The following ANP32B variants were observed in gnomAD, a reference collection of about 807,000 sequenced individuals.
The protein encoded by ANP32B is acidic leucine-rich nuclear phosphoprotein 32 family member B.
A neutral mutation model predicts 32.2 loss-of-function variants in ANP32B; 6 were observed. The ratio of observed to expected loss-of-function variants is 0.19; its 90% confidence interval spans 0.10 to 0.37. The LOEUF is 0.37. Among genes scored for constraint, ANP32B ranks in the 10% least tolerant of loss-of-function variants. The pLI is 1.00. For synonymous variants in ANP32B, 98 were observed against 105.8 expected (o/e 0.93, Z 0.45); for missense variants, 204 against 289.2 (o/e 0.71, Z 2.14).
chr9:97,991,305 G>A (rs139576936), intron 1 of ANP32B, among the ~76,000 whole-genome samples: 12 of 152,074 alleles, frequency 7.9e-5, no homozygotes, highest in African/African-American at 2.2e-4. Flanking sequence ...TGTAGAGACA[G>A]GGTCTCCCTA....
At chr9:98,012,519 G>C (rs780207743) in intron 6 of ANP32B, 47 bp downstream of exon 6, 10 of 1,603,964 alleles carry the variant, frequency 6.2e-6, no homozygotes, top group Non-Finnish European at 8.5e-6. Context: ...AAAAATTAGA[G>C]AAAAACATCC....
At chr9:98,008,994 A>G (rs910452759) in intron 4 of ANP32B, among the ~76,000 whole-genome samples, 2 of 152,194 alleles carry the variant, frequency 1.3e-5, no homozygotes, top group Non-Finnish European at 2.9e-5. Context: ...TTGGGTAGAT[A>G]CTTATCTCCT....
chr9:98,011,015 A>G (rs1828174413), intron 4 of ANP32B, among the ~76,000 whole-genome samples: 1 of 152,114 alleles, frequency 6.6e-6, no homozygotes, highest in Admixed American at 6.5e-5. Context: ...TATAATTTTG[A>G]AGCAAATCTT....
At chr9:97,986,822 T>TA (rs1179465094) in intron 1 of ANP32B, 3 of 152,360 alleles carry the variant, frequency 2.0e-5, no homozygotes, top group South Asian at 2.1e-4. Flanking sequence ...TGCCCTGAAA[T>TA]ATACAGCAGT....
intron 1 of ANP32B, among the ~76,000 whole-genome samples, chr9:97,985,066 G>GC (rs748980963): frequency 0.055 from 7,726 of 140,736 alleles, 282 homozygotes; most frequent in African/African-American, 0.093. Context: ...GCCGTCGCGA[G>GC]CCCCCCCCCC....
intron 1 of ANP32B, 121 bp downstream of exon 1, chr9:97,983,730 C>A (rs993387174): frequency 4.1e-5 from 30 of 727,186 alleles, no homozygotes; most frequent in Non-Finnish European, 5.8e-5. Context: ...AGCTCGTGGG[C>A]TCGGACGGGG....
At chr9:97,995,930 TAAA>T (rs570340593) in intron 2 of ANP32B, among the ~76,000 whole-genome samples, 2 of 116,650 alleles carry the variant, frequency 1.7e-5, no homozygotes, top group African/African-American at 3.1e-5. Flanking sequence ...TGTCTCGATT[TAAA>T]AAAAAAAAAA....
intron 1 of ANP32B, among the ~76,000 whole-genome samples, chr9:97,992,341 G>T (rs929523845): frequency 6.6e-6 from 1 of 152,110 alleles, no homozygotes; most frequent in Non-Finnish European, 1.5e-5. Flanking sequence ...CGCCCGCCTT[G>T]ACCTCCCAGG....
At chr9:97,988,755 A>G in intron 1 of ANP32B, among the ~76,000 whole-genome samples, 2 of 152,324 alleles carry the variant, frequency 1.3e-5, no homozygotes, top group South Asian at 4.1e-4. Context: ...AAAAAGTTCT[A>G]TTAATTTAGA....
chr9:97,998,616 A>T lies in ANP32B; in HGVS notation c.265A>T (p.Asn89Tyr), dbSNP rs1378945982. ...GLDMLAEKLP[N>Y]LTHLNLSGNK... ...GGACATGTTAGCTGAAAAACTTCCA[A>T]ATCTCACACATCTAAACTTAAGTGG... Residue 89 changes from asparagine to tyrosine, a missense_variant, in exon 3 of 7, where the codon AAT becomes TAT. By Grantham distance (143) the Asn-to-Tyr change is moderately radical. Coordinates refer to ENST00000339399, the MANE Select transcript of ANP32B (RefSeq NM_006401.3). The T allele has an allele frequency of 1.2e-6, 2 of 1,612,796 alleles. No individual in the cohort carries two copies. Among genetic ancestry groups the T allele is most frequent in the Admixed American group, 3.3e-5 (2 of 59,722 alleles).
At chr9:98,000,523 T>G (rs1423957781) in intron 3 of ANP32B, among the ~76,000 whole-genome samples, 1 of 152,184 alleles carries the variant, frequency 6.6e-6, no homozygotes, top group East Asian at 1.9e-4. Context: ...ATTGTATCCT[T>G]AAGTAACCCA....
At chr9:97,996,878 G>T (rs2131584962) in intron 2 of ANP32B, among the ~76,000 whole-genome samples, 1 of 152,176 alleles carries the variant, frequency 6.6e-6, no homozygotes, top group Non-Finnish European at 1.5e-5. Flanking sequence ...GGGATTACAG[G>T]TGTGAGCCAC....
At chr9:98,008,795 T>G (rs945515804) in intron 4 of ANP32B, among the ~76,000 whole-genome samples, 1 of 152,122 alleles carries the variant, frequency 6.6e-6, no homozygotes, top group African/African-American at 2.4e-5. Flanking sequence ...TTATGATGAG[T>G]TGTATAATTA....
chr9:98,004,763 G>C (rs1828049864), intron 3 of ANP32B, among the ~76,000 whole-genome samples: 2 of 152,164 alleles, frequency 1.3e-5, no homozygotes, highest in African/African-American at 4.8e-5. Context: ...TTCTCTGGGA[G>C]AGTAGATAAA....
At chr9:98,002,502 T>C (rs905187767) in intron 3 of ANP32B, 1 of 152,226 alleles carries the variant, frequency 6.6e-6, no homozygotes, top group African/African-American at 2.4e-5. Context: ...TATTTACACA[T>C]TACATTGGGA....
chr9:98,012,335 A>G, intron 5 of ANP32B, 86 bp from the exon 6 acceptor site: 1 of 1,465,732 alleles, frequency 6.8e-7, no homozygotes, highest in East Asian at 2.4e-5. Flanking sequence ...ATTTATTTGT[A>G]CTTCTTAGTT....
intron 6 of ANP32B, among the ~76,000 whole-genome samples, chr9:98,013,345 T>C (rs954493005): frequency 2.0e-5 from 3 of 152,222 alleles, no homozygotes; most frequent in Admixed American, 2.0e-4. Flanking sequence ...ATGTTTTAAA[T>C]GTGTTTTTAG....
intron 4 of ANP32B, 140 bp from the exon 5 acceptor site, chr9:98,011,131 G>C: frequency 7.9e-7 from 1 of 1,262,928 alleles, no homozygotes; most frequent in East Asian, 2.6e-5. Context: ...GGACTGAGCT[G>C]TAGCACATAG....
At chr9:97,988,386 T>C (rs1395799717) in intron 1 of ANP32B, among the ~76,000 whole-genome samples, 1 of 152,158 alleles carries the variant, frequency 6.6e-6, no homozygotes, top group African/African-American at 2.4e-5. Flanking sequence ...CCTTCCTTAA[T>C]GCCAGCAGTC....
Sources: allele counts gnomAD v4.1 joint callset (sites outside exome capture counted in the v4.1 genomes callset), GRCh38; gene constraint gnomAD v4.1.1; transcripts MANE v1.5; gene names NCBI Gene and HGNC (gene_info 2026-07-23, HGNC 2026-07-21).